SMYD2: variants seen among roughly 807,000 people sequenced by gnomAD.
SMYD2 encodes SET and MYND domain containing 2.
A neutral mutation model predicts 59.1 loss-of-function variants in SMYD2; 53 were observed. That is an observed-to-expected ratio of 0.90 (90% CI 0.72 to 1.13). SMYD2 has a LOEUF of 1.13. SMYD2 is among the 50% of genes most tolerant of loss of function. The pLI is 0.00. For synonymous variants in SMYD2, 208 were observed against 198.8 expected (o/e 1.05, Z -0.39); for missense variants, 494 against 544.7 (o/e 0.91, Z 0.93).
chr1:214,291,317 G>C (rs1656632171), intron 1 of SMYD2, among the ~76,000 whole-genome samples: 1 of 152,204 alleles, frequency 6.6e-6, no homozygotes, highest in Non-Finnish European at 1.5e-5. Flanking sequence ...TGGTCATCCA[G>C]GTATGTCATG....
intron 1 of SMYD2, among the ~76,000 whole-genome samples, chr1:214,282,205 C>A (rs759193981): frequency 6.6e-6 from 1 of 152,206 alleles, no homozygotes. Context: ...ATATCCTCAA[C>A]TCTTATGAGA....
chr1:214,327,803 G>C, intron 7 of SMYD2, 79 bp downstream of exon 7: 1 of 1,223,046 alleles, frequency 8.2e-7, no homozygotes, highest in Non-Finnish European at 1.2e-6. Context: ...GATCTGTGCA[G>C]TGTCACTTGA....
At chr1:214,284,253 G>GTTT (rs1259451106) in intron 1 of SMYD2, among the ~76,000 whole-genome samples, 5,130 of 75,040 alleles carry the variant, frequency 0.068, 169 homozygotes, top group South Asian at 0.15. Flanking sequence ...TTTTTGGTGT[G>GTTT]GTTTTTTTTT....
chr1:214,313,831 A>G (rs1657037897), intron 2 of SMYD2, among the ~76,000 whole-genome samples: 1 of 152,020 alleles, frequency 6.6e-6, no homozygotes, highest in African/African-American at 2.4e-5. Flanking sequence ...AGCAGCAAAT[A>G]TCCTTCATCC....
chr1:214,298,379 A>G (rs1656766690), intron 1 of SMYD2, among the ~76,000 whole-genome samples: 1 of 152,154 alleles, frequency 6.6e-6, no homozygotes, highest in Non-Finnish European at 1.5e-5. Flanking sequence ...GGACCCTTAC[A>G]TTTTACCTTA....
intron 3 of SMYD2, among the ~76,000 whole-genome samples, chr1:214,317,001 T>C (rs1657096713): frequency 6.6e-6 from 1 of 152,078 alleles, no homozygotes; most frequent in African/African-American, 2.4e-5. Flanking sequence ...ATTATTTTGT[T>C]CCCCTGAATT....
intron 5 of SMYD2, among the ~76,000 whole-genome samples, chr1:214,323,228 G>A (rs1657201135): frequency 6.6e-6 from 1 of 152,090 alleles, no homozygotes; most frequent in African/African-American, 2.4e-5. Context: ...TTTCTTTGAG[G>A]CCACAAATTT....
intron 1 of SMYD2, among the ~76,000 whole-genome samples, chr1:214,289,101 G>A (rs1393841328): frequency 6.6e-6 from 1 of 152,146 alleles, no homozygotes; most frequent in African/African-American, 2.4e-5. Context: ...CCTGTGAGAA[G>A]GTTCTTGTAA....
intron 8 of SMYD2, 56 bp downstream of exon 8, chr1:214,330,334 T>A: frequency 8.2e-7 from 1 of 1,216,882 alleles, no homozygotes; most frequent in Non-Finnish European, 1.2e-6. Context: ...AGGACCTCTC[T>A]GCTGAAGAGC....
intron 2 of SMYD2, among the ~76,000 whole-genome samples, chr1:214,308,142 T>G (rs1163357242): frequency 1.3e-5 from 2 of 152,214 alleles, no homozygotes; most frequent in Non-Finnish European, 2.9e-5. Context: ...TTCCTGTGCT[T>G]CTGTTAAGTA....
chr1:214,302,071 G>T (rs1656832770), intron 1 of SMYD2, among the ~76,000 whole-genome samples: 1 of 152,152 alleles, frequency 6.6e-6, no homozygotes, highest in South Asian at 2.1e-4. Context: ...GCCAGGCGCG[G>T]TATCTCACGT....
At chr1:214,306,064 C>G (rs184608807) in intron 2 of SMYD2, among the ~76,000 whole-genome samples, 12 of 152,244 alleles carry the variant, frequency 7.9e-5, no homozygotes, top group African/African-American at 2.9e-4. Flanking sequence ...TTTGATCTCT[C>G]TGGACACCCC....
intron 10 of SMYD2, 109 bp downstream of exon 10, chr1:214,332,301 G>A: frequency 7.7e-7 from 1 of 1,307,044 alleles, no homozygotes; most frequent in Non-Finnish European, 1.0e-6. Context: ...TAGCGCAGCT[G>A]CCTCTTCTCT....
chr1:214,297,693 A>C (rs780375562), intron 1 of SMYD2, among the ~76,000 whole-genome samples: 3 of 152,256 alleles, frequency 2.0e-5, no homozygotes, highest in Non-Finnish European at 2.9e-5. Context: ...ACATATCTGA[A>C]TAATTTAAAC....
At chr1:214,319,008 A>T in intron 5 of SMYD2, 25 bp downstream of exon 5, 1 of 1,611,976 alleles carries the variant, frequency 6.2e-7, no homozygotes, top group South Asian at 1.1e-5. Context: ...AGCAGGTAAC[A>T]CTCAGTCTGG....
chr1:214,321,170 T>C (rs1571930964), intron 5 of SMYD2, among the ~76,000 whole-genome samples: 2 of 152,164 alleles, frequency 1.3e-5, no homozygotes, highest in Non-Finnish European at 2.9e-5. Context: ...AGAAGTATAT[T>C]TGTGGTGAAA....
chr1:214,317,995 T>C (rs762090810), intron 3 of SMYD2, 84 bp from the exon 4 acceptor site: 5 of 1,216,666 alleles, frequency 4.1e-6, no homozygotes, highest in Non-Finnish European at 4.8e-6. Context: ...TTTTTCTTTA[T>C]GTTGATGTAA....
chr1:214,318,837 A>G lies in SMYD2; in HGVS notation c.410-22A>G. 6.2e-7 allele frequency: 1 copy of G among 1,612,960 alleles called. No individual in the cohort carries two copies. On this transcript the variant is annotated intron_variant, in intron 4 of 11. Coordinates refer to ENST00000366957, the MANE Select transcript of SMYD2 (RefSeq NM_020197.3). This position sits in a 1 kb window ranked among gnomAD's most constrained non-coding sequence, Gnocchi z 5.4. ...AAATCCCACGCTTTCTACTGGGTGA[A>G]TAATGGATTATTTATCCACAGATCT...
rs925623718 is a variant in SMYD2 at position 214,330,939 on chromosome 1, G to A, written c.817-11G>A. The A allele has an allele frequency of 1.2e-5, 19 of 1,613,836 alleles. No individual in the cohort carries two copies. The highest frequency in any genetic ancestry group is 2.2e-5 in the East Asian group (1 of 44,890). The stretch of plus-strand genomic sequence containing the variant: ...GCGGTAACGCCTTGCCCTTGTGGAC[G>A]TTTCCTTCAGGATAAGGCCAAGGTG... On this transcript the variant is annotated splice_polypyrimidine_tract_variant and intron_variant, in intron 8 of 11. Transcript: ENST00000366957.
Sources: allele counts gnomAD v4.1 joint callset (sites outside exome capture counted in the v4.1 genomes callset), GRCh38; gene constraint gnomAD v4.1.1; non-coding constraint Gnocchi (gnomAD v3.1); transcripts MANE v1.5; gene names NCBI Gene and HGNC (gene_info 2026-07-23, HGNC 2026-07-21).